CDH2: variants seen among roughly 807,000 people sequenced by gnomAD.
CDH2 encodes the protein cadherin-2.
In CDH2, 17 loss-of-function variants were observed where a neutral mutation model predicts 92.0. That is an observed-to-expected ratio of 0.18 (90% CI 0.13 to 0.28). The LOEUF (loss-of-function observed/expected upper bound fraction) is 0.28, where lower values mean the gene tolerates loss of function less well. Ranked by LOEUF, CDH2 falls within the 10% of genes least tolerant of loss-of-function variation. CDH2 has a pLI of 1.00. For missense variants in CDH2, 862 were observed against 1,133.1 expected (o/e 0.76, Z 3.44); for synonymous variants, 419 against 415.9 (o/e 1.01, Z -0.09).
At chr18:27,980,235 C>T (rs1006378624) in intron 14 of CDH2, among the ~76,000 whole-genome samples, 5 of 152,164 alleles carry the variant, frequency 3.3e-5, no homozygotes, top group African/African-American at 9.7e-5. Context: ...AGTCTGCACC[C>T]ACCACTGACG....
chr18:28,121,084 A>G (rs2015580091), intron 2 of CDH2, among the ~76,000 whole-genome samples: 1 of 152,180 alleles, frequency 6.6e-6, no homozygotes, highest in South Asian at 2.1e-4. Flanking sequence ...TTAAGTATCC[A>G]GTGCTTAGAA....
At chr18:28,024,331 A>G (rs2144065628) in intron 2 of CDH2, among the ~76,000 whole-genome samples, 1 of 152,068 alleles carries the variant, frequency 6.6e-6, no homozygotes, top group South Asian at 2.1e-4. Context: ...TATTCTCAAA[A>G]TATCCTTTGT....
At chr18:28,120,614 T>C (rs2144270866) in intron 2 of CDH2, among the ~76,000 whole-genome samples, 1 of 152,136 alleles carries the variant, frequency 6.6e-6, no homozygotes. Context: ...ATGTCAAACC[T>C]ATAATAAAGA....
chr18:28,155,090 T>C (rs1473485490), intron 1 of CDH2, among the ~76,000 whole-genome samples: 4 of 152,196 alleles, frequency 2.6e-5, no homozygotes, highest in African/African-American at 9.7e-5. Context: ...TGAGGCCTTC[T>C]TTTGCATTAT....
At chr18:28,058,415 C>T (rs1283865993) in intron 2 of CDH2, among the ~76,000 whole-genome samples, 1 of 152,108 alleles carries the variant, frequency 6.6e-6, no homozygotes, top group African/African-American at 2.4e-5. Context: ...AAGCTTAGGA[C>T]CTTGCCTTGG....
At chr18:28,018,481 A>C (rs1240897126) in intron 2 of CDH2, among the ~76,000 whole-genome samples, 1 of 152,122 alleles carries the variant, frequency 6.6e-6, no homozygotes, top group Non-Finnish European at 1.5e-5. Context: ...ACATTACTTG[A>C]CCTCAAACTA....
At chr18:28,124,450 A>G (rs957850443) in intron 2 of CDH2, among the ~76,000 whole-genome samples, 5 of 152,086 alleles carry the variant, frequency 3.3e-5, no homozygotes, top group African/African-American at 1.2e-4. Flanking sequence ...GTGTTTCCCA[A>G]TTTCTGTTAG....
At chr18:28,136,805 T>C (rs2015870006) in intron 2 of CDH2, among the ~76,000 whole-genome samples, 1 of 152,142 alleles carries the variant, frequency 6.6e-6, no homozygotes, top group African/African-American at 2.4e-5. Context: ...AATATCTAAG[T>C]ATAGTAGAAA....
At chr18:27,984,909 A>T in intron 13 of CDH2, 91 bp downstream of exon 13, 1 of 930,986 alleles carries the variant, frequency 1.1e-6, no homozygotes, top group African/African-American at 1.6e-5. Context: ...GGGTTGTTAG[A>T]CTACTTTGCC....
chr18:27,992,083 T>C (rs746521833), intron 9 of CDH2, among the ~76,000 whole-genome samples: 10 of 152,220 alleles, frequency 6.6e-5, no homozygotes, highest in Non-Finnish European at 1.0e-4. Flanking sequence ...AAAACAGCCA[T>C]GCAAATGCAA....
intron 2 of CDH2, among the ~76,000 whole-genome samples, chr18:28,035,091 G>A (rs1356863260): frequency 6.6e-6 from 1 of 152,008 alleles, no homozygotes; most frequent in African/African-American, 2.4e-5. Context: ...AAGATTAACT[G>A]AAGACCTACA....
chr18:28,086,541 C>T (rs2014931588), intron 2 of CDH2, among the ~76,000 whole-genome samples: 1 of 151,968 alleles, frequency 6.6e-6, no homozygotes, highest in Non-Finnish European at 1.5e-5. Context: ...CTGTGTGGGT[C>T]AGCATCATAT....
At chr18:27,942,186 C>CT (rs1909155058) in intron 6 of CDH2, among the ~76,000 whole-genome samples, 1 of 152,034 alleles carries the variant, frequency 6.6e-6, no homozygotes, top group African/African-American at 2.4e-5. Flanking sequence ...TTACAAAGTT[C>CT]TTATGGAAGT....
At chr18:28,006,595 A>G (rs1269538541) in intron 5 of CDH2, among the ~76,000 whole-genome samples, 1 of 151,312 alleles carries the variant, frequency 6.6e-6, no homozygotes, top group Non-Finnish European at 1.5e-5. Flanking sequence ...GCCTGGTGGC[A>G]TATGTCTGTA....
chr18:28,102,496 G>A (rs771476350), intron 2 of CDH2, among the ~76,000 whole-genome samples: 9 of 152,216 alleles, frequency 5.9e-5, no homozygotes, highest in Middle Eastern at 3.4e-3. Flanking sequence ...TATGGACTAC[G>A]TGCAAGAAAA....
rs200602436 is a variant in CDH2 at position 27,951,478 on chromosome 18, A to G, written c.*675T>C. The G allele has an allele frequency of 2.0e-5, 3 of 152,620 alleles. No homozygotes were observed. Among genetic ancestry groups the G allele is most frequent in the Admixed American group, 1.3e-4 (2 of 15,274 alleles). 9.5% of individuals were successfully genotyped at this position (152,620 alleles called of 1,614,324 possible). ...ACTATTTTTACAGTGAAGTGGAAAAATACAGAAATAAAAAAGTGTACATGG... is the reference window on the plus strand; with the variant it reads ...ACTATTTTTACAGTGAAGTGGAAAAGTACAGAAATAAAAAAGTGTACATGG... On this transcript the variant is annotated 3_prime_UTR_variant, in exon 16 of 16. Coordinates refer to ENST00000269141, the MANE Select transcript of CDH2 (RefSeq NM_001792.5).
intron 2 of CDH2, among the ~76,000 whole-genome samples, chr18:28,076,102 T>C (rs1251290782): frequency 6.6e-6 from 1 of 152,180 alleles, no homozygotes; most frequent in East Asian, 1.9e-4. Context: ...TTTCATAGAC[T>C]CACAAAAATC....
intron 2 of CDH2, among the ~76,000 whole-genome samples, chr18:28,133,152 C>G (rs573328891): frequency 4.6e-5 from 7 of 152,220 alleles, no homozygotes; most frequent in East Asian, 1.9e-4. Context: ...AAAAAGAACA[C>G]GAGAGGAAAT....
chr18:28,159,659 T>C (rs2016275515), intron 1 of CDH2, among the ~76,000 whole-genome samples: 1 of 107,584 alleles, frequency 9.3e-6, no homozygotes, highest in African/African-American at 7.2e-5. Context: ...AATTTTTTTG[T>C]TTTTTTTTTT....
Sources: gnomAD v4.1 joint callset for allele counts (sites outside exome capture counted in the v4.1 genomes callset) on GRCh38, gnomAD v4.1.1 for gene constraint, MANE v1.5 for transcripts, NCBI Gene and HGNC (gene_info 2026-07-23, HGNC 2026-07-21) for gene names.